The following ITSN1 variants were observed in gnomAD, a reference collection of about 807,000 sequenced individuals.
ITSN1 encodes the protein intersectin 1, also known as intersectin-1.
Under a neutral mutation model 239.8 loss-of-function variants are expected in ITSN1, and 58 were observed. The observed-to-expected ratio is 0.24, with a 90% CI of 0.20 to 0.30. The LOEUF (loss-of-function observed/expected upper bound fraction) is 0.30, where lower values mean the gene tolerates loss of function less well. ITSN1 is among the 10% of genes least tolerant of loss of function. The probability of loss-of-function intolerance (pLI) is 1.00; values close to 1 mark genes in which losing one functional copy is unlikely to be tolerated. For missense variants in ITSN1, 1,558 were observed against 2,103.3 expected (o/e 0.74, Z 5.07); for synonymous variants, 780 against 770.8 (o/e 1.01, Z -0.20).
rs1362378517 is a variant in ITSN1, at chr21:33,891,392, G to A, written c.*3092G>A. 1 of 152,132 alleles carries A rather than the reference G, an allele frequency of 6.6e-6. No homozygotes were observed. The highest frequency in any genetic ancestry group is 1.5e-5 in the Non-Finnish European group (1 of 68,036). The allele number at this position is 152,132 out of a possible 1,614,324, so 9.4% of individuals were successfully genotyped here. ...CTTTGCTTTTTTTAAACAACCTAAA[G>A]TATGACCTAAGTGTATGAAACTAAC... On this transcript the variant is annotated 3_prime_UTR_variant, in exon 40 of 40. Coordinates refer to ENST00000381318, the MANE Select transcript of ITSN1 (RefSeq NM_003024.3).
At position 33,865,264 on chromosome 21, in the gene ITSN1, G is replaced by A; in HGVS notation, c.4004G>A (p.Arg1335His). The A allele has an allele frequency of 1.2e-6, 2 of 1,608,404 alleles. No individual in the cohort carries two copies. Among genetic ancestry groups the A allele is most frequent in the Non-Finnish European group, 8.5e-7 (1 of 1,177,652 alleles). Residue 1335 changes from arginine (R) to histidine (H), a missense_variant, in exon 32 of 40, where the codon CGC (arginine) becomes CAC (histidine). This residue lies in a region of ITSN1 where 576 missense variants were observed against 893.3 expected (regional missense o/e 0.64). Coordinates refer to ENST00000381318, the MANE Select transcript of ITSN1 (RefSeq NM_003024.3). This position sits in a 1 kb window ranked among gnomAD's most constrained non-coding sequence, Gnocchi z 4.4. Reference protein sequence around the residue: ...HMQPYIRFCSRQLNGAALIQQ... With the variant: ...HMQPYIRFCSHQLNGAALIQQ... ...CAGCCCTACATCCGCTTCTGCAGCC[G>A]CCAGCTCAACGGGGCTGCCCTGATC...
At chr21:33,647,108 A>T (rs1024550074) in intron 1 of ITSN1, among the ~76,000 whole-genome samples, 2 of 152,254 alleles carry the variant, frequency 1.3e-5, no homozygotes, top group African/African-American at 4.8e-5. Flanking sequence ...TATTAATATA[A>T]GTTTTGAAAA....
At chr21:33,771,935 C>A in intron 11 of ITSN1, 126 bp from the exon 12 acceptor site, 1 of 1,036,408 alleles carries the variant, frequency 9.6e-7, no homozygotes, top group Non-Finnish European at 1.4e-6. Context: ...AACAAGGACA[C>A]AGAAGCTTAG....
chr21:33,768,730 A>G (rs929733354), intron 11 of ITSN1, among the ~76,000 whole-genome samples: 1 of 152,240 alleles, frequency 6.6e-6, no homozygotes, highest in African/African-American at 2.4e-5. Flanking sequence ...ATACTTTGTC[A>G]GTGTCATTTT....
chr21:33,738,636 G>A (rs2066650727), intron 5 of ITSN1, among the ~76,000 whole-genome samples: 1 of 151,922 alleles, frequency 6.6e-6, no homozygotes, highest in Non-Finnish European at 1.5e-5. Context: ...TCCTGACCTT[G>A]TGATCCACCC....
chr21:33,671,664 T>C (rs1442917382), intron 1 of ITSN1, among the ~76,000 whole-genome samples: 8 of 151,382 alleles, frequency 5.3e-5, no homozygotes, highest in East Asian at 2.0e-4. Context: ...TTAGCAGGCA[T>C]GGTGGCGCAC....
chr21:33,886,703 A>G (rs1000161011), intron 39 of ITSN1, among the ~76,000 whole-genome samples: 5 of 152,140 alleles, frequency 3.3e-5, no homozygotes, highest in African/African-American at 9.7e-5. Flanking sequence ...AAACACGTCC[A>G]TCTTCTGCTT....
intron 1 of ITSN1, among the ~76,000 whole-genome samples, chr21:33,693,893 A>T (rs2146703021): frequency 6.6e-6 from 1 of 152,338 alleles, no homozygotes; most frequent in Admixed American, 6.5e-5. Context: ...ATAAGTGAAA[A>T]TATTTACAAC....
At chr21:33,800,366 A>G (rs2071891381) in intron 19 of ITSN1, among the ~76,000 whole-genome samples, 1 of 152,006 alleles carries the variant, frequency 6.6e-6, no homozygotes, top group South Asian at 2.1e-4. Flanking sequence ...ATATATATAC[A>G]CACACAAAAG....
At chr21:33,661,836 T>C (rs1190275576) in intron 1 of ITSN1, among the ~76,000 whole-genome samples, 1 of 152,096 alleles carries the variant, frequency 6.6e-6, no homozygotes, top group Non-Finnish European at 1.5e-5. Context: ...ACATACCTTT[T>C]GCCTTCCACC....
At chr21:33,732,119 T>C (rs992508092) in intron 4 of ITSN1, among the ~76,000 whole-genome samples, 13 of 152,202 alleles carry the variant, frequency 8.5e-5, no homozygotes, top group Non-Finnish European at 1.3e-4. Context: ...CTGGAATCAA[T>C]AGAAGGGAAT....
intron 29 of ITSN1, among the ~76,000 whole-genome samples, chr21:33,850,741 C>T (rs955135344): frequency 5.9e-5 from 9 of 152,220 alleles, no homozygotes; most frequent in East Asian, 3.8e-4. Flanking sequence ...ACTTTCTTCA[C>T]GTCATATCCA....
intron 2 of ITSN1, 136 bp from the exon 3 acceptor site, chr21:33,721,042 G>A (rs2065453178): frequency 3.4e-6 from 2 of 581,250 alleles, no homozygotes; most frequent in Non-Finnish European, 6.2e-6. Context: ...TAACTTCCAA[G>A]GACAAGAAGA....
In ITSN1 at chr21:33,893,842, T is replaced by C. The variant is rs1328244307; in HGVS notation, c.*5542T>C. ...AGTAAGATACATAACCTTATATCTG[T>C]AGGAGCCAGAAAAAAAAAAATCTAT... On this transcript the variant is annotated 3_prime_UTR_variant, in exon 40 of 40. Coordinates refer to ENST00000381318, the MANE Select transcript of ITSN1 (RefSeq NM_003024.3). 7.8e-6 allele frequency: 1 copy of C among 128,594 alleles called. No individual in the cohort carries two copies. The highest frequency in any genetic ancestry group is 2.9e-5 in the African/African-American group (1 of 34,344). The allele number at this position is 128,594 out of a possible 1,614,324, so 8.0% of individuals were successfully genotyped here.
In ITSN1 at chr21:33,645,565, G is replaced by A. The variant is rs115139819; in HGVS notation, c.-33+2852G>A. ...AGGCTGAGGTGGGAGGATCTGGTTC[G>A]CTTGAGCCCAGGAGATGGAGGCTGC... On this transcript the variant is annotated intron_variant, in intron 1 of 39. Transcript: ENST00000381318. Among the ~76,000 whole-genome samples the A allele has an allele frequency of 6.6e-3, 1,006 of 152,232 alleles. 13 individuals carry two copies. The highest frequency in any genetic ancestry group is 0.023 in the African/African-American group (966 of 41,526).
chr21:33,883,696 T>G, intron 36 of ITSN1, 25 bp downstream of exon 36: 1 of 1,609,474 alleles, frequency 6.2e-7, no homozygotes, highest in Non-Finnish European at 8.5e-7. Context: ...CTCCCCAGCA[T>G]GGGCCCCAGG....
At chr21:33,815,844 G>A (rs988128169) in intron 22 of ITSN1, among the ~76,000 whole-genome samples, 7 of 151,800 alleles carry the variant, frequency 4.6e-5, no homozygotes, top group African/African-American at 1.2e-4. Context: ...GAGGGGCTGC[G>A]GAGTGTAGAA....
At chr21:33,787,552 G>A (rs957974318) in intron 16 of ITSN1, among the ~76,000 whole-genome samples, 21 of 152,156 alleles carry the variant, frequency 1.4e-4, no homozygotes, top group Non-Finnish European at 2.8e-4. Context: ...CTTAACTAAA[G>A]CCTTTATACT....
At chr21:33,817,928 G>T in intron 22 of ITSN1, 1 of 335,272 alleles carries the variant, frequency 3.0e-6, no homozygotes, top group Non-Finnish European at 5.5e-6. Flanking sequence ...GAGGTGTCCC[G>T]GGCAACTTGA....
Sources: gnomAD v4.1 joint callset for allele counts (sites outside exome capture counted in the v4.1 genomes callset) on GRCh38, gnomAD v4.1.1 for gene constraint, gnomAD v4.1.1 regional missense constraint, Gnocchi (gnomAD v3.1) non-coding constraint, MANE v1.5 for transcripts, NCBI Gene and HGNC (gene_info 2026-07-23, HGNC 2026-07-21) for gene names.